Variants in NMNAT2 observed in about 807,000 individuals in gnomAD.
NMNAT2 encodes nicotinamide/nicotinic acid mononucleotide adenylyltransferase 2.
Under a neutral mutation model 41.6 loss-of-function variants are expected in NMNAT2, and 11 were observed. The observed-to-expected ratio is 0.26, with a 90% CI of 0.17 to 0.44. The LOEUF is 0.44. NMNAT2 is among the 20% of genes least tolerant of loss of function. The pLI is 1.00. For missense variants in NMNAT2, 288 were observed against 407.7 expected, an observed-to-expected ratio of 0.71 and a Z score of 2.53; for synonymous variants, 148 against 151.2, an observed-to-expected ratio of 0.98 and a Z score of 0.16.
intron 10 of NMNAT2, among the ~76,000 whole-genome samples, chr1:183,255,624 C>G (rs1660494273): frequency 6.7e-6 from 1 of 149,178 alleles, no homozygotes; most frequent in African/African-American, 2.5e-5. Flanking sequence ...CTCCAGTGTA[C>G]AGATTTTTCA....
intron 10 of NMNAT2, among the ~76,000 whole-genome samples, chr1:183,256,597 C>T (rs1660521202): frequency 6.6e-6 from 1 of 152,196 alleles, no homozygotes. Context: ...TGATGTATCA[C>T]ACTGACTGAT....
intron 1 of NMNAT2, among the ~76,000 whole-genome samples, chr1:183,352,342 T>A (rs1333827658): frequency 6.6e-6 from 1 of 152,004 alleles, no homozygotes; most frequent in African/African-American, 2.4e-5. Flanking sequence ...GGTGGGTGGA[T>A]CACCTGAAGT....
intron 1 of NMNAT2, among the ~76,000 whole-genome samples, chr1:183,336,027 A>G (rs2102341787): frequency 6.6e-6 from 1 of 152,336 alleles, no homozygotes; most frequent in South Asian, 2.1e-4. Flanking sequence ...AAAGAGTCTG[A>G]AATTCTTCCC....
At chr1:183,357,381 C>T (rs1400840960) in intron 1 of NMNAT2, among the ~76,000 whole-genome samples, 8 of 151,820 alleles carry the variant, frequency 5.3e-5, no homozygotes, top group Non-Finnish European at 1.0e-4. Context: ...AGGCGCCTGC[C>T]ACCACGCCCG....
At chr1:183,358,355 C>T (rs1278227179) in intron 1 of NMNAT2, among the ~76,000 whole-genome samples, 3 of 152,094 alleles carry the variant, frequency 2.0e-5, no homozygotes, top group African/African-American at 7.2e-5. Context: ...GTACAACAAA[C>T]CCCCGTGACT....
At chr1:183,318,990 T>C (rs1402284624) in intron 1 of NMNAT2, among the ~76,000 whole-genome samples, 1 of 152,232 alleles carries the variant, frequency 6.6e-6, no homozygotes, top group Non-Finnish European at 1.5e-5. Flanking sequence ...ATGGGAATCA[T>C]ATAGGGACTC....
chr1:183,400,415 G>A lies in NMNAT2; in HGVS notation c.85+17768C>T, dbSNP rs554918450. Among the ~76,000 whole-genome samples the A allele has an allele frequency of 4.3e-3, 649 of 152,204 alleles. 3 individuals are homozygous for A. Among genetic ancestry groups the A allele is most frequent in the Non-Finnish European group, 7.2e-3 (488 of 68,008 alleles). On this transcript the variant is annotated intron_variant, in intron 1 of 10. Coordinates refer to ENST00000287713, the MANE Select transcript of NMNAT2 (RefSeq NM_015039.4). ...ACCACTGCTCAACGAAATAAAAGAG[G>A]ACACAAACAAATGGAAGAACATTCC... is the stretch of plus-strand genomic sequence containing the variant.
At chr1:183,358,623 G>A (rs573711029) in intron 1 of NMNAT2, among the ~76,000 whole-genome samples, 4 of 152,218 alleles carry the variant, frequency 2.6e-5, no homozygotes, top group South Asian at 2.1e-4. Context: ...TAAGCCAGAC[G>A]GGAAAGGGAG....
chr1:183,368,483 A>T (rs1349023640), intron 1 of NMNAT2, among the ~76,000 whole-genome samples: 2 of 152,206 alleles, frequency 1.3e-5, no homozygotes, highest in African/African-American at 2.4e-5. Context: ...TGATCTGAAC[A>T]GAATTGGGGT....
intron 1 of NMNAT2, among the ~76,000 whole-genome samples, chr1:183,364,130 C>A (rs1226170146): frequency 1.3e-5 from 2 of 152,144 alleles, no homozygotes; most frequent in African/African-American, 2.4e-5. Context: ...TGCACTTAGT[C>A]ACTAATTTTG....
At chr1:183,281,397 A>G (rs926949417) in intron 7 of NMNAT2, among the ~76,000 whole-genome samples, 1 of 152,212 alleles carries the variant, frequency 6.6e-6, no homozygotes, top group Non-Finnish European at 1.5e-5. Context: ...CCCCTCCCCA[A>G]CACATCTGTT....
At chr1:183,323,598 A>G (rs1662400127) in intron 1 of NMNAT2, among the ~76,000 whole-genome samples, 2 of 152,236 alleles carry the variant, frequency 1.3e-5, no homozygotes, top group Admixed American at 1.3e-4. Flanking sequence ...GAATGCAAAG[A>G]AGTGGGCCCC....
intron 1 of NMNAT2, among the ~76,000 whole-genome samples, chr1:183,350,253 C>A (rs548391249): frequency 1.6e-4 from 24 of 152,300 alleles, no homozygotes; most frequent in African/African-American, 5.8e-4. Context: ...CAAGTAAGAG[C>A]CATGAGCCAG....
intron 1 of NMNAT2, among the ~76,000 whole-genome samples, chr1:183,373,152 C>A (rs1557892739): frequency 1.3e-5 from 2 of 152,230 alleles, no homozygotes; most frequent in Non-Finnish European, 2.9e-5. Context: ...CCAGGCCATT[C>A]CCTCCAGCTG....
intron 1 of NMNAT2, among the ~76,000 whole-genome samples, chr1:183,312,569 TA>T (rs5779167): frequency 0.57 from 85,555 of 149,070 alleles, 24,666 homozygotes; most frequent in East Asian, 0.8. Flanking sequence ...TTACAGTTCC[TA>T]AAAAAAAAAA....
intron 1 of NMNAT2, among the ~76,000 whole-genome samples, chr1:183,352,993 A>C (rs961622040): frequency 6.6e-6 from 1 of 152,100 alleles, no homozygotes; most frequent in Non-Finnish European, 1.5e-5. Context: ...GGCTCTAGCC[A>C]TCTTTTTCTG....
At chr1:183,328,454 T>C (rs1021016258) in intron 1 of NMNAT2, among the ~76,000 whole-genome samples, 4 of 152,342 alleles carry the variant, frequency 2.6e-5, no homozygotes, top group Non-Finnish European at 4.4e-5. Context: ...CATTCCTCCT[T>C]GGGCAATGCC....
At chr1:183,290,487 G>A in intron 3 of NMNAT2, 2 of 340,958 alleles carry the variant, frequency 5.9e-6, no homozygotes, top group Non-Finnish European at 1.1e-5. Flanking sequence ...TGTGGCTTTG[G>A]GAAAGTTATG....
intron 1 of NMNAT2, among the ~76,000 whole-genome samples, chr1:183,311,734 C>T (rs1291999565): frequency 2.3e-5 from 2 of 87,324 alleles, no homozygotes; most frequent in South Asian, 4.2e-4. Flanking sequence ...CACACACACA[C>T]ACACACACAC....
Sources: gnomAD v4.1 joint callset for allele counts (sites outside exome capture counted in the v4.1 genomes callset) on GRCh38, gnomAD v4.1.1 for gene constraint, MANE v1.5 for transcripts, NCBI Gene and HGNC (gene_info 2026-07-23, HGNC 2026-07-21) for gene names.